PLCB1: variants seen among roughly 807,000 people sequenced by gnomAD.
PLCB1 encodes phospholipase C beta 1.
Under a neutral mutation model 161.8 loss-of-function variants are expected in PLCB1, and 46 were observed. That is an observed-to-expected ratio of 0.28 (90% CI 0.22 to 0.36). The LOEUF (loss-of-function observed/expected upper bound fraction) is 0.36. Among genes scored for constraint, PLCB1 ranks in the 10% least tolerant of loss-of-function variants. The pLI is 1.00. For missense variants in PLCB1, 1,016 were observed against 1,472.5 expected, an observed-to-expected ratio of 0.69 and a Z score of 5.07; for synonymous variants, 517 against 503.7, an observed-to-expected ratio of 1.03 and a Z score of -0.35.
intron 19 of PLCB1, among the ~76,000 whole-genome samples, chr20:8,735,647 G>A (rs754065242): frequency 5.9e-5 from 9 of 152,182 alleles, no homozygotes; most frequent in Admixed American, 1.3e-4. Context: ...CTCTGCTTTG[G>A]TCAAACATCT....
At chr20:8,453,694 G>T (rs1372594616) in intron 3 of PLCB1, among the ~76,000 whole-genome samples, 1 of 152,144 alleles carries the variant, frequency 6.6e-6, no homozygotes, top group Non-Finnish European at 1.5e-5. Flanking sequence ...TGAGAGTAGT[G>T]ATATTGCAGA....
At chr20:8,262,069 T>C (rs1245818191) in intron 2 of PLCB1, among the ~76,000 whole-genome samples, 1 of 151,984 alleles carries the variant, frequency 6.6e-6, no homozygotes, top group East Asian at 1.9e-4. Flanking sequence ...GTTTGTTTGT[T>C]TGTTTGTTTT....
chr20:8,158,407 G>A (rs972303434), intron 2 of PLCB1, among the ~76,000 whole-genome samples: 6 of 152,084 alleles, frequency 3.9e-5, no homozygotes, highest in African/African-American at 1.2e-4. Flanking sequence ...ACCTGAGACT[G>A]GGCAGTTTAC....
intron 2 of PLCB1, among the ~76,000 whole-genome samples, chr20:8,311,338 T>A (rs1984391860): frequency 6.6e-6 from 1 of 152,200 alleles, no homozygotes. Context: ...AATTTAGAAA[T>A]CATGAATAGA....
chr20:8,424,530 C>T (rs1979667900), intron 3 of PLCB1, among the ~76,000 whole-genome samples: 1 of 152,064 alleles, frequency 6.6e-6, no homozygotes, highest in Non-Finnish European at 1.5e-5. Flanking sequence ...TCTTTCTTTT[C>T]ACTAACTCCC....
chr20:8,293,261 A>G (rs1983466372), intron 2 of PLCB1, among the ~76,000 whole-genome samples: 1 of 152,120 alleles, frequency 6.6e-6, no homozygotes, highest in Non-Finnish European at 1.5e-5. Context: ...TTCATTTTCA[A>G]GAAAATATCT....
chr20:8,430,259 G>GAT (rs1035580394), intron 3 of PLCB1, among the ~76,000 whole-genome samples: 12 of 152,012 alleles, frequency 7.9e-5, no homozygotes, highest in African/African-American at 2.9e-4. Context: ...TACATAATTA[G>GAT]AGAGGACAGA....
intron 3 of PLCB1, among the ~76,000 whole-genome samples, chr20:8,606,566 TA>T (rs201082301): frequency 0.011 from 1,666 of 152,308 alleles, 14 homozygotes; most frequent in Non-Finnish European, 0.018. Flanking sequence ...CAATTATTAT[TA>T]GTGCCCTATC....
intron 3 of PLCB1, among the ~76,000 whole-genome samples, chr20:8,379,092 C>T (rs1273626648): frequency 6.6e-6 from 1 of 151,896 alleles, no homozygotes; most frequent in Non-Finnish European, 1.5e-5. Flanking sequence ...TGTAAGTTCC[C>T]TCCTCTCACC....
intron 25 of PLCB1, among the ~76,000 whole-genome samples, chr20:8,760,976 A>G (rs1466801159): frequency 6.6e-6 from 1 of 152,202 alleles, no homozygotes; most frequent in African/African-American, 2.4e-5. Flanking sequence ...TGTTTATAAT[A>G]CTTGGTTCAA....
chr20:8,616,906 C>A (rs901112153), intron 3 of PLCB1, among the ~76,000 whole-genome samples: 1 of 152,096 alleles, frequency 6.6e-6, no homozygotes, highest in Non-Finnish European at 1.5e-5. Context: ...GATATAGAGC[C>A]CAGGAGGCTA....
intron 1 of PLCB1, among the ~76,000 whole-genome samples, chr20:8,134,474 C>A (rs1010393613): frequency 4.6e-5 from 7 of 152,170 alleles, no homozygotes; most frequent in Non-Finnish European, 1.0e-4. Context: ...TAGCCAACAT[C>A]ACATTGAGAA....
intron 2 of PLCB1, among the ~76,000 whole-genome samples, chr20:8,243,341 C>T (rs913471246): frequency 6.6e-6 from 1 of 151,992 alleles, no homozygotes; most frequent in African/African-American, 2.4e-5. Context: ...AATTTTCTAA[C>T]ACAAATCTAA....
intron 2 of PLCB1, among the ~76,000 whole-genome samples, chr20:8,214,912 T>C (rs1189992157): frequency 6.6e-6 from 1 of 152,010 alleles, no homozygotes; most frequent in Non-Finnish European, 1.5e-5. Context: ...GGTGTGGCTG[T>C]GGAGGGCAAG....
intron 15 of PLCB1, 101 bp downstream of exon 15, chr20:8,722,522 A>C: frequency 1.4e-6 from 1 of 710,206 alleles, no homozygotes; most frequent in Non-Finnish European, 2.2e-6. Context: ...CAAAAAGTAG[A>C]TTTGTGCCTT....
In PLCB1 at chr20:8,739,108, G is replaced by A. The variant is rs149144827; in HGVS notation, c.2209-153G>A. Among the ~76,000 whole-genome samples, 224 of 152,278 alleles carry A rather than the reference G, an allele frequency of 1.5e-3. 1 individual carries two copies. The highest frequency in any genetic ancestry group is 5.1e-3 in the African/African-American group (214 of 41,570). On this transcript the variant is annotated intron_variant, in intron 20 of 31. Coordinates refer to ENST00000338037, the MANE Select transcript of PLCB1 (RefSeq NM_015192.4). ...GGAGGTTGCAGTGAGCCAAGATCACGCCACTGCACTTCAGCCTGGGTGACA... is the reference window on the plus strand; with the variant it reads ...GGAGGTTGCAGTGAGCCAAGATCACACCACTGCACTTCAGCCTGGGTGACA...
At chr20:8,205,581 G>A (rs1433010989) in intron 2 of PLCB1, among the ~76,000 whole-genome samples, 1 of 152,118 alleles carries the variant, frequency 6.6e-6, no homozygotes, top group African/African-American at 2.4e-5. Flanking sequence ...CAATTCCAAT[G>A]TATGGCTTTC....
chr20:8,580,660 G>A (rs1216366063), intron 3 of PLCB1, among the ~76,000 whole-genome samples: 1 of 152,234 alleles, frequency 6.6e-6, no homozygotes, highest in Non-Finnish European at 1.5e-5. Flanking sequence ...TGGGTGCTAG[G>A]CACTATGATA....
chr20:8,543,591 G>A (rs1050374118), intron 3 of PLCB1, among the ~76,000 whole-genome samples: 13 of 142,170 alleles, frequency 9.1e-5, no homozygotes, highest in South Asian at 4.4e-4. Context: ...AATGCATTTC[G>A]TTATTTGTAA....
Sources: gnomAD v4.1 joint callset for allele counts (sites outside exome capture counted in the v4.1 genomes callset) on GRCh38, gnomAD v4.1.1 for gene constraint, MANE v1.5 for transcripts, NCBI Gene and HGNC (gene_info 2026-07-23, HGNC 2026-07-21) for gene names.